The following KCNMA1 variants were observed in gnomAD, a reference collection of about 807,000 sequenced individuals.
KCNMA1 encodes the protein potassium calcium-activated channel subfamily M alpha 1, also known as Calcium-activated potassium channel subunit alpha-1.
In KCNMA1, 29 loss-of-function variants were observed where a neutral mutation model predicts 140.0. The observed-to-expected ratio is 0.21, with a 90% confidence interval of 0.15 to 0.28. The LOEUF (loss-of-function observed/expected upper bound fraction) is 0.28. Among genes scored for constraint, KCNMA1 ranks in the 10% least tolerant of loss-of-function variants. KCNMA1 has a pLI of 1.00. For missense variants in KCNMA1, 880 were observed against 1,602.2 expected (o/e 0.55, Z 7.70); for synonymous variants, 612 against 611.9 (o/e 1.00, Z 0.00).
At chr10:76,871,381 A>G (rs2031294355) in exon 28 of KCNMA1, 1 of 152,314 alleles carries the variant, frequency 6.6e-6, no homozygotes. Flanking sequence ...GTGTGTGTCC[A>G]CTGCACAATG....
chr10:77,146,830 A>G (rs2098310644), intron 5 of KCNMA1, among the ~76,000 whole-genome samples: 1 of 151,868 alleles, frequency 6.6e-6, no homozygotes, highest in South Asian at 2.1e-4. Flanking sequence ...CACACAGAAT[A>G]TGCTACATAA....
chr10:77,241,480 C>T (rs2057258831), intron 3 of KCNMA1, among the ~76,000 whole-genome samples: 1 of 84,104 alleles, frequency 1.2e-5, no homozygotes, highest in Non-Finnish European at 2.2e-5. Context: ...CCCCCCATCT[C>T]TACAATAATT....
intron 2 of KCNMA1, among the ~76,000 whole-genome samples, chr10:77,335,858 G>A (rs11002127): frequency 6.6e-6 from 1 of 151,948 alleles, no homozygotes; most frequent in African/African-American, 2.4e-5. Context: ...GCCCGGTCAG[G>A]TCTGACTCCA....
chr10:77,508,010 T>C (rs2046768343), intron 1 of KCNMA1, among the ~76,000 whole-genome samples: 1 of 152,200 alleles, frequency 6.6e-6, no homozygotes, highest in South Asian at 2.1e-4. Context: ...CTGCAGTGTA[T>C]CTACTTGGGA....
At chr10:77,296,270 G>A (rs1451599302) in intron 2 of KCNMA1, among the ~76,000 whole-genome samples, 2 of 152,140 alleles carry the variant, frequency 1.3e-5, no homozygotes, top group East Asian at 1.9e-4. Flanking sequence ...AGTGATGTGA[G>A]GAAGGGGCCA....
chr10:77,087,310 T>C (rs568062081), intron 10 of KCNMA1, among the ~76,000 whole-genome samples: 1 of 152,306 alleles, frequency 6.6e-6, no homozygotes, highest in Admixed American at 6.5e-5. Flanking sequence ...TTCTTCCTAA[T>C]AAATCTCTCT....
At chr10:77,625,116 G>A (rs1424446255) in intron 1 of KCNMA1, among the ~76,000 whole-genome samples, 1 of 152,328 alleles carries the variant, frequency 6.6e-6, no homozygotes, top group Middle Eastern at 3.4e-3. Flanking sequence ...ATCTTAGGCT[G>A]GGCACAGTGG....
Position 77,181,757 on chromosome 10 carries a change from CG to C in KCNMA1, c.808+1663del, listed in dbSNP as rs1222599015. Reference sequence around the variant, plus strand: ...AATAAGGAGGAATCAGGATACGATACGGAGAAAATAAGGAGGAATCAGGATA... The same window carrying C: ...AATAAGGAGGAATCAGGATACGATACGAGAAAATAAGGAGGAATCAGGATA... On this transcript the variant is annotated intron_variant, in intron 5 of 27. Transcript: ENST00000286628. 4.6e-5 allele frequency among the ~76,000 whole-genome samples: 7 copies of C among 151,860 alleles called. No individual in the cohort carries two copies. The East Asian group carries it at 1.4e-3, about 29-fold the overall frequency.
intron 2 of KCNMA1, among the ~76,000 whole-genome samples, chr10:77,297,340 G>T (rs1175663113): frequency 7.9e-5 from 12 of 152,090 alleles, no homozygotes; most frequent in Admixed American, 7.9e-4. Flanking sequence ...AAACTTCTTA[G>T]GTATCTTCAA....
intron 14 of KCNMA1, among the ~76,000 whole-genome samples, chr10:77,058,595 A>G (rs762468261): frequency 3.9e-5 from 6 of 152,150 alleles, no homozygotes; most frequent in African/African-American, 7.2e-5. Flanking sequence ...CTACAAATCA[A>G]TAATAGAAAG....
chr10:77,464,255 G>C (rs2097934515), intron 1 of KCNMA1, among the ~76,000 whole-genome samples: 1 of 152,088 alleles, frequency 6.6e-6, no homozygotes, highest in Admixed American at 6.5e-5. Context: ...AGAGGCTCAA[G>C]TCAGACCCTT....
At chr10:77,475,905 A>G (rs2098268022) in intron 1 of KCNMA1, among the ~76,000 whole-genome samples, 2 of 152,152 alleles carry the variant, frequency 1.3e-5, no homozygotes, top group South Asian at 4.1e-4. Flanking sequence ...GCTGGACTAA[A>G]ACCAGAGTCC....
chr10:77,340,772 T>TAAA (rs2090661436), intron 2 of KCNMA1, among the ~76,000 whole-genome samples: 1 of 151,488 alleles, frequency 6.6e-6, no homozygotes, highest in South Asian at 2.1e-4. Context: ...AATGATGAGT[T>TAAA]AATGGGTGCA....
intron 1 of KCNMA1, among the ~76,000 whole-genome samples, chr10:77,511,233 A>G (rs2048281984): frequency 6.6e-6 from 1 of 152,226 alleles, no homozygotes; most frequent in African/African-American, 2.4e-5. Context: ...GGTGATGCTG[A>G]TGCTGTTGAC....
chr10:77,333,392 GAAAGAAAGAAAAGA>G (rs1312536062), intron 2 of KCNMA1, among the ~76,000 whole-genome samples: 13 of 58,340 alleles, frequency 2.2e-4, no homozygotes, highest in East Asian at 1.3e-3. Flanking sequence ...GAGAAAGAAA[GAAAGAAAGAAAAGA>G]AAAGAAAAGA....
At position 77,382,905 on chromosome 10, in the gene KCNMA1, C is replaced by T. The variant is rs1261352978; in HGVS notation, c.540+20957G>A. Among the ~76,000 whole-genome samples the T allele has an allele frequency of 3.5e-3, 423 of 121,400 alleles. 10 individuals are homozygous for T. The highest frequency in any genetic ancestry group is 0.012 in the African/African-American group (388 of 32,964). 79.6% of individuals were successfully genotyped at this position (121,400 alleles called of 152,430 possible). ...AAAAAAATATATATATATATATATACACACACACACACACATACATATATA... is the reference window on the plus strand; with the variant it reads ...AAAAAAATATATATATATATATATATACACACACACACACATACATATATA... On this transcript the variant is annotated intron_variant, in intron 2 of 27. Transcript: ENST00000286628.
intron 2 of KCNMA1, among the ~76,000 whole-genome samples, chr10:77,382,959 C>CGTGT (rs57049025): frequency 0.022 from 1,713 of 76,762 alleles, 58 homozygotes; most frequent in Non-Finnish European, 0.031. Flanking sequence ...CATATATATA[C>CGTGT]GTGTGTGTGT....
intron 1 of KCNMA1, among the ~76,000 whole-genome samples, chr10:77,564,137 G>C (rs968396751): frequency 1.3e-5 from 2 of 152,176 alleles, no homozygotes; most frequent in African/African-American, 4.8e-5. Flanking sequence ...AGAAAACAAG[G>C]AACAAAAAGA....
rs577693279 is a variant in KCNMA1 at position 77,189,003 on chromosome 10, C to T, written c.603-4087G>A. ...ACCTCCCTGAGTCTGGCTGCCGAAC[C>T]CTGTGAAGCTACTTCTCCAGGGTAG... On this transcript the variant is annotated intron_variant, in intron 3 of 27. Coordinates refer to ENST00000286628, the MANE Select transcript of KCNMA1 (RefSeq NM_001161352.2). Among the ~76,000 whole-genome samples the T allele has an allele frequency of 3.3e-5, 5 of 152,214 alleles. No individual in the cohort carries two copies. The South Asian group carries it at 1.0e-3, about 32-fold the overall frequency.
Sources: gnomAD v4.1 joint callset for allele counts (sites outside exome capture counted in the v4.1 genomes callset) on GRCh38, gnomAD v4.1.1 for gene constraint, MANE v1.5 for transcripts, NCBI Gene and HGNC (gene_info 2026-07-23, HGNC 2026-07-21) for gene names.